KIAA1549: variants seen among roughly 807,000 people sequenced by gnomAD.
KIAA1549 encodes the protein KIAA1549, also known as UPF0606 protein KIAA1549.
A neutral mutation model predicts 156.4 loss-of-function variants in KIAA1549; 70 were observed. That is an observed-to-expected ratio of 0.45 (90% CI 0.37 to 0.55). KIAA1549 has a LOEUF of 0.55. Ranked by LOEUF, KIAA1549 falls within the 20% of genes least tolerant of loss-of-function variation. The probability of loss-of-function intolerance (pLI) is 0.00; values close to 1 mark genes in which losing one functional copy is unlikely to be tolerated. For synonymous variants in KIAA1549, 1,103 were observed against 1,066.4 expected, an observed-to-expected ratio of 1.03 and a Z score of -0.67; for missense variants, 2,428 against 2,540.9, an observed-to-expected ratio of 0.96 and a Z score of 0.96.
At chr7:138,839,973 G>T (rs1404268383) in intron 19 of KIAA1549, among the ~76,000 whole-genome samples, 160 bp downstream of exon 19, 2 of 151,460 alleles carry the variant, frequency 1.3e-5, no homozygotes, top group East Asian at 3.9e-4. Context: ...TGTATTTTTA[G>T]TAGAGACGGG....
intron 1 of KIAA1549, among the ~76,000 whole-genome samples, chr7:138,952,415 G>T (rs565298783): frequency 6.6e-6 from 1 of 152,158 alleles, no homozygotes; most frequent in African/African-American, 2.4e-5. Context: ...AAGGGGAAAT[G>T]AGTTTGAGAG....
At chr7:138,926,560 C>T (rs1812725866) in intron 1 of KIAA1549, among the ~76,000 whole-genome samples, 1 of 152,158 alleles carries the variant, frequency 6.6e-6, no homozygotes, top group South Asian at 2.1e-4. Context: ...GCTGGGATTA[C>T]AGGCATGAGC....
intron 19 of KIAA1549, among the ~76,000 whole-genome samples, chr7:138,839,709 CT>C (rs1338389446): frequency 7.0e-6 from 1 of 143,180 alleles, no homozygotes; most frequent in Non-Finnish European, 1.5e-5. Context: ...GAGATTAAAA[CT>C]TTTTTAAATG....
At chr7:138,936,822 T>C (rs75403986) in intron 1 of KIAA1549, among the ~76,000 whole-genome samples, 2,776 of 148,182 alleles carry the variant, frequency 0.019, 89 homozygotes, top group African/African-American at 0.065. Flanking sequence ...CGGCCCTGAT[T>C]AGAGGTGTGT....
chr7:138,965,476 C>T (rs1414227283), intron 1 of KIAA1549, among the ~76,000 whole-genome samples: 3 of 152,164 alleles, frequency 2.0e-5, no homozygotes, highest in East Asian at 3.9e-4. Flanking sequence ...CAGGCGTGAG[C>T]CACCACGCCC....
intron 19 of KIAA1549, among the ~76,000 whole-genome samples, chr7:138,839,778 CTTTTTTT>C (rs763327649): frequency 1.5e-4 from 9 of 61,326 alleles, no homozygotes; most frequent in South Asian, 1.7e-3. Context: ...GGGATTATGT[CTTTTTTT>C]TTTTTTTTTT....
rs1809684264 is a variant in KIAA1549, at chr7:138,835,613, T to C, written c.*2293A>G. 1 of 222,602 alleles carries C rather than the reference T, an allele frequency of 4.5e-6. No homozygotes were observed. Among genetic ancestry groups the C allele is most frequent in the South Asian group, 1.8e-4 (1 of 5,430 alleles). 13.8% of individuals were successfully genotyped at this position (222,602 alleles called of 1,614,324 possible). On this transcript the variant is annotated 3_prime_UTR_variant, in exon 20 of 20. Coordinates refer to ENST00000422774, the MANE Select transcript of KIAA1549 (RefSeq NM_001164665.2). ...TTTATCCCGTTTGCTGTCACACGATTTGAATTCATTACAAGGTGTCCATAA... is the reference window on the plus strand; with the variant it reads ...TTTATCCCGTTTGCTGTCACACGATCTGAATTCATTACAAGGTGTCCATAA...
At chr7:138,868,335 C>T (rs546026261) in intron 14 of KIAA1549, among the ~76,000 whole-genome samples, 1 of 152,312 alleles carries the variant, frequency 6.6e-6, no homozygotes, top group Admixed American at 6.5e-5. Flanking sequence ...TGAAGCAACA[C>T]AGAATGATAT....
chr7:138,981,169 G>C lies in KIAA1549; in HGVS notation c.101C>G (p.Ala34Gly). 1 of 1,167,112 alleles carries C rather than the reference G, an allele frequency of 8.6e-7. No individual in the cohort carries two copies. Among genetic ancestry groups the C allele is most frequent in the Non-Finnish European group, 1.1e-6 (1 of 946,516 alleles). 72.3% of individuals were successfully genotyped at this position (1,167,112 alleles called of 1,614,324 possible). ...CGGGCGGCGGCGGCGGGCGCAGCGGGCGGAAGGCCGTCGGCCGCTCGGCCC... is the reference window on the plus strand; with the variant it reads ...CGGGCGGCGGCGGCGGGCGCAGCGGCCGGAAGGCCGTCGGCCGCTCGGCCC... ...APGPSGRRPS[A>G]RCARRRRPGL... is the part of the protein sequence containing the mutation. Residue 34 changes from alanine to glycine, a missense_variant, in exon 1 of 20, where the codon GCC becomes GGC. Physicochemically the swap from Ala to Gly is moderately conservative, Grantham distance 60 (BLOSUM62 0). Coordinates refer to ENST00000422774, the MANE Select transcript of KIAA1549 (RefSeq NM_001164665.2). The surrounding 1 kb of genome is among the most constrained non-coding windows in gnomAD (Gnocchi z 4.5).
chr7:138,965,699 T>C (rs1006423503), intron 1 of KIAA1549, among the ~76,000 whole-genome samples: 2 of 152,182 alleles, frequency 1.3e-5, no homozygotes, highest in Non-Finnish European at 2.9e-5. Flanking sequence ...TTGCTTTCTG[T>C]GTATGCGCCT....
rs1049739585 is a variant in KIAA1549, at chr7:138,916,879, G to A, written c.2747C>T (p.Pro916Leu). The A allele has an allele frequency of 3.7e-6, 6 of 1,613,894 alleles. No homozygotes were observed. Among genetic ancestry groups the A allele is most frequent in the Non-Finnish European group, 5.1e-6 (6 of 1,179,854 alleles). ...SQSPPESSAA[P>L]PLPSLRPVTA... ...CACGGGACGCAGGGATGGCAGGGGA[G>A]GAGCAGCACTACTCTCTGGGGGGCT... is the stretch of plus-strand genomic sequence containing the variant. The change falls in exon 2 of 20, where the codon CCT becomes CTT. Residue 916 changes from proline to leucine, a missense_variant. Physicochemically the swap from Pro to Leu is moderately conservative, Grantham distance 98. Transcript: ENST00000422774.
At position 138,939,610 on chromosome 7, in the gene KIAA1549, G is replaced by A. The variant is rs531755892; in HGVS notation, c.188-20172C>T. ...ATTAGATTCAGAATCAATGTTTTTG[G>A]CAAGAATACTCCCTAGGTGGTCCTC... On this transcript the variant is annotated intron_variant, in intron 1 of 19. Coordinates refer to ENST00000422774, the MANE Select transcript of KIAA1549 (RefSeq NM_001164665.2). 6.6e-5 allele frequency among the ~76,000 whole-genome samples: 10 copies of A among 152,200 alleles called. No homozygotes were observed. In the East Asian group the frequency reaches 7.7e-4, roughly 12 times the overall value.
At chr7:138,941,976 C>CA (rs1813196455) in intron 1 of KIAA1549, among the ~76,000 whole-genome samples, 4 of 152,076 alleles carry the variant, frequency 2.6e-5, no homozygotes, top group Non-Finnish European at 5.9e-5. Context: ...GTATATTTTA[C>CA]CACATTACAA....
At chr7:138,958,199 G>T (rs1431499545) in intron 1 of KIAA1549, among the ~76,000 whole-genome samples, 1 of 152,102 alleles carries the variant, frequency 6.6e-6, no homozygotes, top group Non-Finnish European at 1.5e-5. Context: ...CCACAAGAGG[G>T]GCCATCTGCG....
intron 1 of KIAA1549, among the ~76,000 whole-genome samples, chr7:138,921,867 A>C (rs571539311): frequency 6.6e-6 from 1 of 152,310 alleles, no homozygotes; most frequent in South Asian, 2.1e-4. Flanking sequence ...TCCGTCTCAA[A>C]AAAAAATAAA....
rs566651612 is a variant in KIAA1549 at position 138,833,913 on chromosome 7, C to T, written c.*3993G>A. On this transcript the variant is annotated 3_prime_UTR_variant, in exon 20 of 20. Coordinates refer to ENST00000422774, the MANE Select transcript of KIAA1549 (RefSeq NM_001164665.2). Reference sequence around the variant, plus strand: ...CACCTCTTCCTTCTCTTCTGAAACTCCCTCAATAGTGCAGTCGGGGATTCT... The same window carrying T: ...CACCTCTTCCTTCTCTTCTGAAACTTCCTCAATAGTGCAGTCGGGGATTCT... 3.4e-5 allele frequency: 8 copies of T among 232,270 alleles called. No individual in the cohort carries two copies. Among genetic ancestry groups the T allele is most frequent in the African/African-American group, 1.8e-4 (8 of 45,394 alleles). The allele number at this position is 232,270 out of a possible 1,614,324, so 14.4% of individuals were successfully genotyped here.
chr7:138,890,883 C>A (rs1249295136), intron 10 of KIAA1549, among the ~76,000 whole-genome samples: 1 of 152,246 alleles, frequency 6.6e-6, no homozygotes. Context: ...CTGAAAACCC[C>A]CCAGGGCCTG....
At chr7:138,952,320 C>T (rs549930405) in intron 1 of KIAA1549, among the ~76,000 whole-genome samples, 4 of 152,192 alleles carry the variant, frequency 2.6e-5, no homozygotes, top group African/African-American at 9.6e-5. Flanking sequence ...AATAAGAATC[C>T]GGGATTCTGG....
chr7:138,852,318 T>C (rs1810259702), intron 16 of KIAA1549, 49 bp from the exon 17 acceptor site: 2 of 1,277,824 alleles, frequency 1.6e-6, no homozygotes, highest in Admixed American at 2.2e-5. Context: ...ATACTTATTA[T>C]AAAGTGACAA....
Sources: allele counts gnomAD v4.1 joint callset (sites outside exome capture counted in the v4.1 genomes callset), GRCh38; gene constraint gnomAD v4.1.1; non-coding constraint Gnocchi (gnomAD v3.1); transcripts MANE v1.5; gene names NCBI Gene and HGNC (gene_info 2026-07-23, HGNC 2026-07-21).